LRP1B: variants seen among roughly 807,000 people sequenced by gnomAD.
LRP1B encodes the protein low-density lipoprotein receptor-related protein 1B.
Under a neutral mutation model 556.6 loss-of-function variants are expected in LRP1B, and 217 were observed. The ratio of observed to expected loss-of-function variants is 0.39; its 90% CI spans 0.35 to 0.44. The LOEUF (loss-of-function observed/expected upper bound fraction) is 0.44. Among genes scored for constraint, LRP1B ranks in the 20% least tolerant of loss-of-function variants. The pLI is 1.00. For missense variants in LRP1B, 5,053 were observed against 5,620.8 expected, an observed-to-expected ratio of 0.90 and a Z score of 3.23; for synonymous variants, 2,047 against 1,865.8, an observed-to-expected ratio of 1.10 and a Z score of -2.50.
chr2:140,415,225 T>G (rs771498766), intron 66 of LRP1B, among the ~76,000 whole-genome samples: 2 of 149,910 alleles, frequency 1.3e-5, no homozygotes, highest in Non-Finnish European at 3.0e-5. Flanking sequence ...CATAGACTCT[T>G]ATCAGTAGTT....
chr2:141,614,455 G>T (rs578239998), intron 2 of LRP1B, among the ~76,000 whole-genome samples: 69 of 152,252 alleles, frequency 4.5e-4, no homozygotes, highest in African/African-American at 1.5e-3. Flanking sequence ...ATCCTGCCTG[G>T]TACCTGTGCA....
intron 83 of LRP1B, among the ~76,000 whole-genome samples, chr2:140,302,861 G>A (rs1683892971): frequency 2.0e-5 from 3 of 151,842 alleles, no homozygotes; most frequent in African/African-American, 4.8e-5. Context: ...TAGACTGAGA[G>A]TTACACAATT....
chr2:140,557,513 C>T (rs560241411), intron 43 of LRP1B, among the ~76,000 whole-genome samples: 27 of 152,208 alleles, frequency 1.8e-4, no homozygotes, highest in African/African-American at 6.0e-4. Flanking sequence ...CCAAGGGCCT[C>T]AAAAGTTATT....
intron 41 of LRP1B, among the ~76,000 whole-genome samples, chr2:140,613,418 A>AAT (rs886340360): frequency 5.1e-5 from 6 of 117,592 alleles, no homozygotes; most frequent in Non-Finnish European, 7.5e-5. Flanking sequence ...TATACATATA[A>AAT]ATATATATAT....
chr2:140,604,437 T>C (rs77205673), intron 41 of LRP1B, among the ~76,000 whole-genome samples: 1,874 of 152,092 alleles, frequency 0.012, 38 homozygotes, highest in African/African-American at 0.043. Flanking sequence ...GATAGGGAAA[T>C]TGATTCTAAT....
At chr2:140,998,036 A>G (rs754905284) in intron 15 of LRP1B, among the ~76,000 whole-genome samples, 1 of 152,002 alleles carries the variant, frequency 6.6e-6, no homozygotes, top group Non-Finnish European at 1.5e-5. Context: ...TTTACTACAC[A>G]TTAGATTGCA....
intron 2 of LRP1B, among the ~76,000 whole-genome samples, chr2:141,546,083 A>G: frequency 6.6e-6 from 1 of 152,148 alleles, no homozygotes; most frequent in South Asian, 2.1e-4. Context: ...CTACCACTCC[A>G]GCCCCCAAAC....
chr2:141,697,599 G>A (rs779934174), intron 2 of LRP1B, among the ~76,000 whole-genome samples: 6 of 151,920 alleles, frequency 3.9e-5, no homozygotes, highest in African/African-American at 7.2e-5. Context: ...AGATGGTAGC[G>A]AAATGGGTAA....
Position 140,444,577 on chromosome 2 carries a change from T to C in LRP1B, c.10160A>G (p.Asp3387Gly). 6.2e-7 allele frequency: 1 copy of C among 1,613,816 alleles called. No individual in the cohort carries two copies. Among genetic ancestry groups the C allele is most frequent in the Non-Finnish European group, 8.5e-7 (1 of 1,179,748 alleles). ...TAATCACCTACCACAGTTGAGTTCA[T>C]CAGAATTGTCTCCACAATCATTCTC... The part of the protein sequence containing the change: ...DGENDCGDNS[D>G]ELNCDTHVCL... The change falls in exon 64 of 91, where the codon GAT (aspartate) becomes GGT (glycine). Residue 3387 changes from aspartate (D) to glycine (G), a missense_variant. Asp to Gly is a moderately conservative substitution (Grantham distance 94). Around this residue, in one of 5 missense-constraint regions of LRP1B, gnomAD observed 262 missense variants for 395.1 expected, o/e 0.66. Coordinates refer to ENST00000389484, the MANE Select transcript of LRP1B (RefSeq NM_018557.3).
At chr2:141,871,965 A>T (rs903907084) in intron 1 of LRP1B, among the ~76,000 whole-genome samples, 1 of 152,008 alleles carries the variant, frequency 6.6e-6, no homozygotes, top group Non-Finnish European at 1.5e-5. Context: ...GCTAAAACAG[A>T]TCACAGTGGG....
At chr2:140,657,586 C>CATATATAT (rs55724105) in intron 41 of LRP1B, among the ~76,000 whole-genome samples, 1 of 145,236 alleles carries the variant, frequency 6.9e-6, no homozygotes, top group East Asian at 2.0e-4. Context: ...CATATATATA[C>CATATATAT]ATACATACAT....
At chr2:141,757,437 G>A (rs1323251014) in intron 2 of LRP1B, among the ~76,000 whole-genome samples, 2 of 152,096 alleles carry the variant, frequency 1.3e-5, no homozygotes, top group Non-Finnish European at 2.9e-5. Flanking sequence ...AGAATTATAT[G>A]CACACTAATG....
In LRP1B at chr2:141,578,111, G is replaced by A. The variant is rs183354872; in HGVS notation, c.206-97578C>T. On this transcript the variant is annotated intron_variant, in intron 2 of 90. Coordinates refer to ENST00000389484, the MANE Select transcript of LRP1B (RefSeq NM_018557.3). Reference sequence around the variant, plus strand: ...AAAAGTGTTTAGCCAAAAGAAATCAGTCAGCTGGGCGCAGTGCCTCATGCC... The same window carrying A: ...AAAAGTGTTTAGCCAAAAGAAATCAATCAGCTGGGCGCAGTGCCTCATGCC... Among the ~76,000 whole-genome samples the A allele has an allele frequency of 3.8e-3, 577 of 152,148 alleles. 3 individuals carry two copies. Among genetic ancestry groups the A allele is most frequent in the Non-Finnish European group, 6.1e-3 (415 of 67,968 alleles).
intron 31 of LRP1B, among the ~76,000 whole-genome samples, chr2:140,817,189 T>C (rs2105045329): frequency 6.6e-6 from 1 of 152,236 alleles, no homozygotes; most frequent in East Asian, 1.9e-4. Flanking sequence ...TCAAAGGCTA[T>C]AGAATCTGTC....
Position 140,681,850 on chromosome 2 carries a change from A to G in LRP1B, c.6799+18400T>C, listed in dbSNP as rs150874824. On this transcript the variant is annotated intron_variant, in intron 41 of 90. Coordinates refer to ENST00000389484, the MANE Select transcript of LRP1B (RefSeq NM_018557.3). The stretch of plus-strand genomic sequence containing the variant: ...TTATTTTTTCATGGAACTCAACACT[A>G]AAGAAAAAAAGGAGTACTTCCTGTG... 1.6e-4 allele frequency among the ~76,000 whole-genome samples: 25 copies of G among 152,280 alleles called. 1 individual carries two copies. The East Asian group carries it at 4.6e-3, about 28-fold the overall frequency.
At chr2:141,087,612 G>C (rs955112975) in intron 7 of LRP1B, among the ~76,000 whole-genome samples, 2 of 152,156 alleles carry the variant, frequency 1.3e-5, no homozygotes, top group Non-Finnish European at 2.9e-5. Context: ...ACAGTATTAA[G>C]AGATCATTCA....
intron 43 of LRP1B, among the ~76,000 whole-genome samples, chr2:140,593,815 T>C (rs573530446): frequency 3.3e-4 from 50 of 152,248 alleles, no homozygotes; most frequent in African/African-American, 1.2e-3. Flanking sequence ...TAAAAAACCC[T>C]TTTTTGATTT....
chr2:140,528,027 G>C (rs1239193071), intron 47 of LRP1B, among the ~76,000 whole-genome samples: 2 of 151,802 alleles, frequency 1.3e-5, no homozygotes, highest in African/African-American at 4.8e-5. Context: ...ATGCCAGGAA[G>C]ATACTAATAG....
chr2:141,476,533 G>A (rs4644970), intron 3 of LRP1B, among the ~76,000 whole-genome samples: 77,866 of 151,886 alleles, frequency 0.51, 20,182 homozygotes, highest in Non-Finnish European at 0.55. Context: ...ACTTTTATAA[G>A]CATATTTCTA....
Sources: allele counts gnomAD v4.1 joint callset (sites outside exome capture counted in the v4.1 genomes callset), GRCh38; gene constraint gnomAD v4.1.1; regional missense constraint gnomAD v4.1.1; transcripts MANE v1.5; gene names NCBI Gene and HGNC (gene_info 2026-07-23, HGNC 2026-07-21).